Variants in MDN1 observed in about 807,000 individuals in gnomAD.
The protein encoded by MDN1 is midasin AAA ATPase 1.
A neutral mutation model predicts 669.2 loss-of-function variants in MDN1; 266 were observed. The observed-to-expected ratio is 0.40, with a 90% CI of 0.36 to 0.44. The LOEUF is 0.44. Ranked by LOEUF, MDN1 falls within the 20% of genes least tolerant of loss-of-function variation. MDN1 has a pLI of 1.00. For missense variants in MDN1, 5,940 were observed against 6,754.0 expected (o/e 0.88, Z 4.22); for synonymous variants, 2,385 against 2,457.1 (o/e 0.97, Z 0.87).
chr6:89,650,925 G>A, intron 95 of MDN1, 78 bp from the exon 96 acceptor site: 1 of 1,147,906 alleles, frequency 8.7e-7, no homozygotes, highest in Non-Finnish European at 1.3e-6. Flanking sequence ...CAGGCTTTAA[G>A]CAAAGTGGTA....
chr6:89,654,168 G>A lies in MDN1; in HGVS notation c.15657C>T (p.Pro5219=), dbSNP rs749597028. 25 of 1,614,020 alleles carry A rather than the reference G, an allele frequency of 1.5e-5. No individual in the cohort carries two copies. The Admixed American group carries it at 3.8e-4, about 25-fold the overall frequency. ...TTGTTCACTAGCAGGACTCACCCAA[G>A]GGTGCTGTGGTGCCCGACTTGATTT... ...PEEIKSGTTA[P]LGFDEMEVEI... is the part of the protein sequence containing the mutation. Residue 5219 remains proline, a synonymous_variant, in exon 93 of 102, where the codon CCC becomes CCT. Transcript: ENST00000369393.
Position 89,753,580 on chromosome 6 carries a change from G to A in MDN1, c.3007C>T (p.His1003Tyr). The A allele has an allele frequency of 6.2e-7, 1 of 1,613,924 alleles. No homozygotes were observed. Among genetic ancestry groups the A allele is most frequent in the East Asian group, 2.2e-5 (1 of 44,884 alleles). ...GFLTQLDRAS[H>Y]PIVQKLICQH... is the part of the protein sequence containing the mutation. ...CAGATGAGCTTCTGAACTATTGGGT[G>A]TGATGCCCTGTCAAGCTGTGTTAAG... is the stretch of plus-strand genomic sequence containing the variant. The change falls in exon 22 of 102, where the codon CAC becomes TAC. Residue 1003 changes from histidine (H) to tyrosine (Y), a missense_variant. By Grantham distance (83) the His-to-Tyr change is moderately conservative (BLOSUM62 2). Transcript: ENST00000369393.
At chr6:89,789,056 G>A (rs558556579) in intron 7 of MDN1, among the ~76,000 whole-genome samples, 3 of 152,052 alleles carry the variant, frequency 2.0e-5, no homozygotes, top group East Asian at 1.9e-4. Flanking sequence ...CCCGGGAGAC[G>A]GAGGCTGCAG....
chr6:89,675,419 A>C, intron 78 of MDN1, 45 bp downstream of exon 78: 1 of 1,527,064 alleles, frequency 6.5e-7, no homozygotes, highest in Non-Finnish European at 9.0e-7. Context: ...ACTTGGATCT[A>C]ATTCTTCCCA....
chr6:89,742,149 A>C (rs66750524), intron 31 of MDN1, among the ~76,000 whole-genome samples: 27,435 of 151,756 alleles, frequency 0.18, 2,798 homozygotes, highest in South Asian at 0.31. Flanking sequence ...GCAGTGGCTC[A>C]CATCTATAAT....
rs1267234590 is a variant in MDN1 at position 89,642,716 on chromosome 6, A to G, written c.*1289T>C. 1 of 152,252 alleles carries G rather than the reference A, an allele frequency of 6.6e-6. No individual in the cohort carries two copies. The highest frequency in any genetic ancestry group is 1.9e-4 in the East Asian group (1 of 5,198). 9.4% of individuals were successfully genotyped at this position (152,252 alleles called of 1,614,324 possible). A position where few individuals can be genotyped will look rare whatever the true frequency, so the allele number is the denominator to read the frequency against. On this transcript the variant is annotated 3_prime_UTR_variant, in exon 102 of 102. Coordinates refer to ENST00000369393, the MANE Select transcript of MDN1 (RefSeq NM_014611.3). ...CTGACTGACTGATCCAGCAGAGAAG[A>G]TCAGTCCCCTAGCATACCTTTTACA...
chr6:89,673,334 A>G lies in MDN1; in HGVS notation c.13376T>C (p.Leu4459Pro), dbSNP rs371257592. The G allele has an allele frequency of 2.3e-5, 37 of 1,614,042 alleles. No individual in the cohort carries two copies. The highest frequency in any genetic ancestry group is 2.9e-5 in the Non-Finnish European group (34 of 1,180,012). ...EVEQRDSQMA[L>P]VESLEYVRGE... The stretch of plus-strand genomic sequence containing the variant: ...TCTTACATATTCCAGACTTTCAACT[A>G]GTGCCATTTGTGAGTCTCTTTGCTC... The change falls in exon 80 of 102, where the codon CTA becomes CCA. Residue 4459 changes from leucine (L) to proline (P), a missense_variant. By Grantham distance (98) the Leu-to-Pro change is moderately conservative. Coordinates refer to ENST00000369393, the MANE Select transcript of MDN1 (RefSeq NM_014611.3).
chr6:89,668,222 C>T, intron 83 of MDN1, 71 bp from the exon 84 acceptor site: 1 of 1,567,974 alleles, frequency 6.4e-7, no homozygotes, highest in African/African-American at 1.4e-5. Context: ...TCATTCTTGC[C>T]ACAGGAAAAC....
At chr6:89,674,833 A>G (rs1811074494) in intron 78 of MDN1, among the ~76,000 whole-genome samples, 1 of 152,186 alleles carries the variant, frequency 6.6e-6, no homozygotes, top group African/African-American at 2.4e-5. Context: ...TTCAACTAGC[A>G]TTATCTAGTA....
At chr6:89,803,688 T>G in intron 1 of MDN1, 134 bp from the exon 2 acceptor site, 1 of 673,432 alleles carries the variant, frequency 1.5e-6, no homozygotes, top group Admixed American at 2.8e-5. Context: ...TTCATGCCAT[T>G]CTCCTGCCCG....
intron 1 of MDN1, among the ~76,000 whole-genome samples, chr6:89,811,996 T>C (rs984464792): frequency 3.3e-5 from 5 of 151,982 alleles, no homozygotes; most frequent in African/African-American, 1.2e-4. Flanking sequence ...AAACTTTTTT[T>C]TTTTTTCTGA....
chr6:89,662,486 A>C (rs1809870358), intron 86 of MDN1, among the ~76,000 whole-genome samples: 1 of 152,088 alleles, frequency 6.6e-6, no homozygotes, highest in African/African-American at 2.4e-5. Context: ...GCAGTGTTAC[A>C]CTCAGCCCTG....
At chr6:89,760,035 G>A (rs565979957) in intron 17 of MDN1, among the ~76,000 whole-genome samples, 19 of 152,162 alleles carry the variant, frequency 1.2e-4, no homozygotes, top group African/African-American at 4.1e-4. Flanking sequence ...TTGCACCACC[G>A]CACTCCAGCC....
chr6:89,786,376 A>G (rs1274531091), intron 8 of MDN1, among the ~76,000 whole-genome samples: 2 of 152,098 alleles, frequency 1.3e-5, no homozygotes, highest in Non-Finnish European at 2.9e-5. Flanking sequence ...GGACTGCTCG[A>G]GTCCAGGAGT....
In MDN1 at chr6:89,688,753, G is replaced by A; in HGVS notation, c.11079C>T (p.Ser3693=). 1 of 1,614,198 alleles carries A rather than the reference G, an allele frequency of 6.2e-7. No individual in the cohort carries two copies. The highest frequency in any genetic ancestry group is 1.1e-5 in the South Asian group (1 of 91,084). Reference sequence around the variant, plus strand: ...GTGCCTCCCCAAAAAGAGTGTTATGGGAGAGGGTACAGGCCAAAAGTTGGC... The same window carrying A: ...GTGCCTCCCCAAAAAGAGTGTTATGAGAGAGGGTACAGGCCAAAAGTTGGC... The part of the protein sequence containing the change: ...LGSQLLACTL[S]HNTLFGEAPS... Residue 3693 remains serine (S), a synonymous_variant, in exon 66 of 102, where the codon TCC becomes TCT. Coordinates refer to ENST00000369393, the MANE Select transcript of MDN1 (RefSeq NM_014611.3).
intron 13 of MDN1, among the ~76,000 whole-genome samples, chr6:89,773,237 G>A (rs1450125194): frequency 6.6e-6 from 1 of 152,072 alleles, no homozygotes; most frequent in African/African-American, 2.4e-5. Flanking sequence ...GGAAGATTTG[G>A]TGACATAGAA....
At chr6:89,800,745 C>A (rs1368263088) in intron 2 of MDN1, among the ~76,000 whole-genome samples, 5 of 152,048 alleles carry the variant, frequency 3.3e-5, no homozygotes, top group Non-Finnish European at 1.5e-5. Flanking sequence ...TATATGATAA[C>A]CTAGACTTGA....
At chr6:89,752,094 T>A (rs543579747) in intron 22 of MDN1, among the ~76,000 whole-genome samples, 1 of 152,286 alleles carries the variant, frequency 6.6e-6, no homozygotes, top group Non-Finnish European at 1.5e-5. Context: ...TTAGTTTCGA[T>A]TATACAAATT....
Position 89,716,671 on chromosome 6 carries a change from A to G in MDN1, c.6722T>C (p.Met2241Thr). ...TTACTTGCAGAAGTTAACATTGTCC[A>G]TCAGAAGCCAGTCTCCAGACTTCAG... is the stretch of plus-strand genomic sequence containing the variant. ...QALKSGDWLL[M>T]DNVNFCNPSV... The change falls in exon 44 of 102, where the codon ATG becomes ACG. Residue 2241 changes from methionine to threonine, a missense_variant. Met to Thr is a moderately conservative substitution (Grantham distance 81). Transcript: ENST00000369393. 6.2e-7 allele frequency: 1 copy of G among 1,612,612 alleles called. No individual in the cohort carries two copies. The highest frequency in any genetic ancestry group is 1.1e-5 in the South Asian group (1 of 90,718).
Sources: gnomAD v4.1 joint callset for allele counts (sites outside exome capture counted in the v4.1 genomes callset) on GRCh38, gnomAD v4.1.1 for gene constraint, MANE v1.5 for transcripts, NCBI Gene and HGNC (gene_info 2026-07-23, HGNC 2026-07-21) for gene names.